COX7B2: variants seen among roughly 807,000 people sequenced by gnomAD.
The protein encoded by COX7B2 is cytochrome c oxidase subunit 7B2, mitochondrial.
For synonymous variants in COX7B2, 37 were observed against 32.1 expected, an observed-to-expected ratio of 1.15 and a Z score of -0.51; for missense variants, 109 against 95.9, an observed-to-expected ratio of 1.14 and a Z score of -0.57.
chr4:46,743,271 T>C (rs971294646), intron 2 of COX7B2, among the ~76,000 whole-genome samples: 3 of 152,294 alleles, frequency 2.0e-5, no homozygotes, highest in East Asian at 1.9e-4. Flanking sequence ...AATGTGCTAG[T>C]CCCTTAGTGT....
chr4:46,745,714 T>C (rs1714983747), intron 2 of COX7B2, among the ~76,000 whole-genome samples: 1 of 152,324 alleles, frequency 6.6e-6, no homozygotes, highest in East Asian at 1.9e-4. Flanking sequence ...TGAACTGATA[T>C]TTCATTTTAG....
intron 2 of COX7B2, among the ~76,000 whole-genome samples, chr4:46,793,862 T>C (rs1409102744): frequency 6.6e-6 from 1 of 152,230 alleles, no homozygotes; most frequent in Non-Finnish European, 1.5e-5. Flanking sequence ...GCTGGTTACA[T>C]TGAACCCCTA....
intron 2 of COX7B2, among the ~76,000 whole-genome samples, chr4:46,817,192 G>A (rs116140605): frequency 0.011 from 1,676 of 152,296 alleles, 20 homozygotes; most frequent in Middle Eastern, 0.041. Context: ...GTTGAACTGT[G>A]TATGCATGGA....
chr4:46,780,893 C>T (rs1048232434), intron 2 of COX7B2, among the ~76,000 whole-genome samples: 6 of 152,172 alleles, frequency 3.9e-5, no homozygotes, highest in Admixed American at 2.0e-4. Flanking sequence ...AAAACGAAGT[C>T]ATTTTCATAA....
At chr4:46,796,518 G>A (rs539341461) in intron 2 of COX7B2, among the ~76,000 whole-genome samples, 1 of 122,594 alleles carries the variant, frequency 8.2e-6, no homozygotes, top group South Asian at 3.1e-4. Context: ...TTCAACCATT[G>A]TGGAAGTCAG....
chr4:46,776,213 C>T (rs1019587955), intron 2 of COX7B2, among the ~76,000 whole-genome samples: 25 of 151,870 alleles, frequency 1.6e-4, no homozygotes, highest in African/African-American at 5.8e-4. Flanking sequence ...GGGGTCTGCC[C>T]TAAAAAAATT....
chr4:46,849,022 T>C (rs1454013743), intron 1 of COX7B2, among the ~76,000 whole-genome samples: 1 of 152,048 alleles, frequency 6.6e-6, no homozygotes, highest in Non-Finnish European at 1.5e-5. Flanking sequence ...AAGGGAATAA[T>C]GACAAGAAAA....
At chr4:46,849,973 A>C (rs1199527674) in intron 1 of COX7B2, among the ~76,000 whole-genome samples, 1 of 152,020 alleles carries the variant, frequency 6.6e-6, no homozygotes, top group East Asian at 1.9e-4. Context: ...AGAAACATAG[A>C]TTGTGTAATT....
intron 1 of COX7B2, among the ~76,000 whole-genome samples, chr4:46,902,689 C>A (rs2109899200): frequency 6.6e-6 from 1 of 152,220 alleles, no homozygotes; most frequent in East Asian, 1.9e-4. Context: ...ACAGCCTGGC[C>A]AGCATGGCAA....
At chr4:46,828,107 T>C (rs1269731296) in intron 2 of COX7B2, among the ~76,000 whole-genome samples, 1 of 152,148 alleles carries the variant, frequency 6.6e-6, no homozygotes. Flanking sequence ...TTAATAAATT[T>C]GATTTAGGAA....
At chr4:46,871,804 G>T (rs2109825519) in intron 1 of COX7B2, among the ~76,000 whole-genome samples, 1 of 151,786 alleles carries the variant, frequency 6.6e-6, no homozygotes, top group Middle Eastern at 3.4e-3. Context: ...CAGTCAAAAT[G>T]GCTATTAAAA....
intron 1 of COX7B2, among the ~76,000 whole-genome samples, chr4:46,895,457 AGAG>A (rs1380668605): frequency 6.6e-6 from 1 of 152,100 alleles, no homozygotes; most frequent in East Asian, 1.9e-4. Context: ...ATGGGCACAA[AGAG>A]GAGAACAACA....
intron 1 of COX7B2, among the ~76,000 whole-genome samples, chr4:46,868,412 T>C (rs756476435): frequency 6.6e-6 from 1 of 152,216 alleles, no homozygotes; most frequent in East Asian, 1.9e-4. Flanking sequence ...TTCTGCTAGC[T>C]TTGAGGTTGA....
chr4:46,805,096 C>T (rs1403191292), intron 2 of COX7B2, among the ~76,000 whole-genome samples: 1 of 152,224 alleles, frequency 6.6e-6, no homozygotes, highest in Non-Finnish European at 1.5e-5. Context: ...GTGCAGGACC[C>T]GCCAAGCCCA....
chr4:46,825,614 G>T (rs1714634875), intron 2 of COX7B2, among the ~76,000 whole-genome samples: 4 of 152,022 alleles, frequency 2.6e-5, no homozygotes, highest in Admixed American at 2.6e-4. Context: ...GAGGCATGAG[G>T]TTACCTGACT....
intron 2 of COX7B2, among the ~76,000 whole-genome samples, chr4:46,755,959 A>C (rs1335616119): frequency 6.6e-6 from 1 of 151,974 alleles, no homozygotes; most frequent in Non-Finnish European, 1.5e-5. Flanking sequence ...TATTTAAAAT[A>C]ATCTTAAATT....
intron 2 of COX7B2, among the ~76,000 whole-genome samples, chr4:46,808,208 T>A (rs1719102480): frequency 6.6e-6 from 1 of 151,836 alleles, no homozygotes; most frequent in African/African-American, 2.4e-5. Flanking sequence ...TCATTAAATG[T>A]TTTATAATTT....
chr4:46,742,990 T>C (rs1714806331), intron 2 of COX7B2, among the ~76,000 whole-genome samples: 1 of 152,178 alleles, frequency 6.6e-6, no homozygotes, highest in South Asian at 2.1e-4. Context: ...GTACCCATAA[T>C]ATTTTCTTTA....
intron 2 of COX7B2, among the ~76,000 whole-genome samples, chr4:46,782,356 C>T (rs1050497469): frequency 1.3e-4 from 20 of 151,068 alleles, no homozygotes; most frequent in Non-Finnish European, 2.1e-4. Flanking sequence ...GTAAATGCAC[C>T]AATCAGTGCT....
Sources: allele counts gnomAD v4.1 joint callset (sites outside exome capture counted in the v4.1 genomes callset), GRCh38; gene constraint gnomAD v4.1.1; transcripts MANE v1.5; gene names NCBI Gene and HGNC (gene_info 2026-07-23, HGNC 2026-07-21).